The following XRCC4 variants were observed in gnomAD, a reference collection of about 807,000 sequenced individuals.
XRCC4 encodes the protein DNA repair protein XRCC4.
XRCC4 carries 28 observed loss-of-function variants against 39.1 expected under a neutral mutation model. The ratio of observed to expected loss-of-function variants is 0.72; its 90% CI spans 0.53 to 0.98. The LOEUF (loss-of-function observed/expected upper bound fraction) is 0.98, where lower values mean the gene tolerates loss of function less well. Among genes scored for constraint, XRCC4 ranks in the 50% least tolerant of loss-of-function variants. The pLI is 0.00. For missense variants in XRCC4, 350 were observed against 376.4 expected (o/e 0.93, Z 0.58); for synonymous variants, 123 against 126.4 (o/e 0.97, Z 0.18).
intron 3 of XRCC4, among the ~76,000 whole-genome samples, chr5:83,116,579 G>GAGTGA (rs1465920290): frequency 6.9e-6 from 1 of 145,598 alleles, no homozygotes; most frequent in East Asian, 2.1e-4. Flanking sequence ...TGTTTTGTCT[G>GAGTGA]AGTGAAAGAA....
chr5:83,293,389 C>T (rs1383477636), intron 7 of XRCC4, among the ~76,000 whole-genome samples: 5 of 151,982 alleles, frequency 3.3e-5, no homozygotes, highest in Non-Finnish European at 4.4e-5. Flanking sequence ...GTCATCTCAT[C>T]CATTCATCCC....
At chr5:83,353,009 T>A (rs4987240) in intron 7 of XRCC4, 122 bp from the exon 8 acceptor site, 1 of 741,952 alleles carries the variant, frequency 1.3e-6, no homozygotes, top group Non-Finnish European at 2.1e-6. Flanking sequence ...GAGAAATAAA[T>A]CTCTAAACCA....
chr5:83,204,932 C>A lies in XRCC4; in HGVS notation c.745+11C>A. The A allele has an allele frequency of 1.3e-6, 2 of 1,545,390 alleles. No individual in the cohort carries two copies. Among genetic ancestry groups the A allele is most frequent in the South Asian group, 1.1e-5 (1 of 88,740 alleles). On this transcript the variant is annotated intron_variant, in intron 6 of 7. Coordinates refer to ENST00000396027, the MANE Select transcript of XRCC4 (RefSeq NM_003401.5). ...CTGGGTTGGCTTCAGGTAAGAGATA[C>A]ATACATTTATCTCCTCTGTTGAATA... is the stretch of plus-strand genomic sequence containing the variant.
the XRCC4 span, among the ~76,000 whole-genome samples, chr5:83,369,237 T>C: frequency 6.6e-6 from 1 of 152,142 alleles, no homozygotes; most frequent in Non-Finnish European, 1.5e-5. Flanking sequence ...CATTTTACTT[T>C]CTTTGTTTTC....
At chr5:83,272,000 TG>T (rs1754159798) in intron 7 of XRCC4, among the ~76,000 whole-genome samples, 1 of 152,198 alleles carries the variant, frequency 6.6e-6, no homozygotes, top group Admixed American at 6.5e-5. Flanking sequence ...CTGTTGATCC[TG>T]GGGTGCTGGA....
Position 83,192,319 on chromosome 5 carries a change from A to T in XRCC4, c.316-3451A>T, listed in dbSNP as rs181342578. ...ATACGTATATATAATATATATATAT[A>T]TTTTTTTGAGACGGAGTCTTGCTCT... On this transcript the variant is annotated intron_variant, in intron 3 of 7. Coordinates refer to ENST00000396027, the MANE Select transcript of XRCC4 (RefSeq NM_003401.5). 8.3e-3 allele frequency among the ~76,000 whole-genome samples: 1,198 copies of T among 143,490 alleles called. 21 individuals carry two copies. Among genetic ancestry groups the T allele is most frequent in the South Asian group, 0.025 (116 of 4,610 alleles). The allele number at this position is 143,490 out of a possible 152,430, so 94.1% of individuals were successfully genotyped here. A position where few individuals can be genotyped will look rare whatever the true frequency, so the allele number is the denominator to read the frequency against.
intron 6 of XRCC4, among the ~76,000 whole-genome samples, chr5:83,207,510 C>T (rs556372620): frequency 2.6e-5 from 4 of 151,974 alleles, no homozygotes; most frequent in South Asian, 2.1e-4. Context: ...AGTAAGTTTT[C>T]GATGTCAAGA....
intron 3 of XRCC4, among the ~76,000 whole-genome samples, chr5:83,192,631 T>C (rs545174668): frequency 1.2e-4 from 19 of 152,180 alleles, no homozygotes; most frequent in African/African-American, 4.1e-4. Flanking sequence ...ATTTTAGAAT[T>C]TAATTGCTCT....
intron 7 of XRCC4, among the ~76,000 whole-genome samples, chr5:83,265,899 C>T (rs1753937365): frequency 6.6e-6 from 1 of 151,968 alleles, no homozygotes; most frequent in South Asian, 2.1e-4. Context: ...TACTACAATT[C>T]CCCTAGGCTA....
At chr5:83,128,930 G>A (rs998758342) in intron 3 of XRCC4, among the ~76,000 whole-genome samples, 1 of 152,110 alleles carries the variant, frequency 6.6e-6, no homozygotes, top group Non-Finnish European at 1.5e-5. Context: ...TAGGTTGCCT[G>A]CTCACTCTGA....
At chr5:83,305,531 C>T (rs890283969) in intron 7 of XRCC4, among the ~76,000 whole-genome samples, 2 of 151,970 alleles carry the variant, frequency 1.3e-5, no homozygotes, top group African/African-American at 4.8e-5. Flanking sequence ...TTATATAGAA[C>T]ACTTCAAAGA....
chr5:83,310,379 C>A lies in XRCC4; in HGVS notation c.894-42752C>A, dbSNP rs28360291. ...GTGAGAGGTTTCTCTAGGAGAACAG[C>A]AAGAGTCAGAGCTAAATAAGGAGGA... On this transcript the variant is annotated intron_variant, in intron 7 of 7. Transcript: ENST00000396027. 6.2e-3 allele frequency among the ~76,000 whole-genome samples: 945 copies of A among 152,134 alleles called. 8 individuals carry two copies. Among genetic ancestry groups the A allele is most frequent in the African/African-American group, 0.021 (857 of 41,498 alleles).
In XRCC4 at chr5:83,289,174, A is replaced by G. The variant is rs1408409357; in HGVS notation, c.893+30497A>G. Among the ~76,000 whole-genome samples, 3 of 151,836 alleles carry G rather than the reference A, an allele frequency of 2.0e-5. 1 individual carries two copies. The highest frequency in any genetic ancestry group is 1.5e-5 in the Non-Finnish European group (1 of 67,852). ...TTACATTACCCATCTGTTCTTGCAT[A>G]TAGTCTACTTTTTCCATTAGTATCT... On this transcript the variant is annotated intron_variant, in intron 7 of 7. Transcript: ENST00000396027.
intron 6 of XRCC4, among the ~76,000 whole-genome samples, chr5:83,236,336 CA>C (rs1752687067): frequency 6.6e-6 from 1 of 151,916 alleles, no homozygotes; most frequent in Non-Finnish European, 1.5e-5. Context: ...TTGTAGTAAC[CA>C]AAAGAGCATG....
chr5:83,171,070 A>G (rs1163464138), intron 3 of XRCC4, among the ~76,000 whole-genome samples: 1 of 151,982 alleles, frequency 6.6e-6, no homozygotes, highest in Non-Finnish European at 1.5e-5. Flanking sequence ...ATTCACTCTA[A>G]TAGACCTGCA....
At chr5:83,265,212 A>G (rs1753912717) in intron 7 of XRCC4, among the ~76,000 whole-genome samples, 1 of 152,122 alleles carries the variant, frequency 6.6e-6, no homozygotes, top group Non-Finnish European at 1.5e-5. Context: ...CAAATATCCA[A>G]TTTTTGTAGA....
chr5:83,126,121 T>TA (rs1428817380), intron 3 of XRCC4, among the ~76,000 whole-genome samples: 1 of 151,762 alleles, frequency 6.6e-6, no homozygotes, highest in Non-Finnish European at 1.5e-5. Context: ...TCTATTTATT[T>TA]AAAAAAATTG....
At chr5:83,222,823 C>T (rs1752140138) in intron 6 of XRCC4, among the ~76,000 whole-genome samples, 1 of 152,086 alleles carries the variant, frequency 6.6e-6, no homozygotes, top group African/African-American at 2.4e-5. Flanking sequence ...TCACGGCTCA[C>T]CACAGCCTCG....
intron 3 of XRCC4, among the ~76,000 whole-genome samples, chr5:83,120,781 A>C (rs1372994194): frequency 6.6e-6 from 1 of 152,212 alleles, no homozygotes; most frequent in East Asian, 1.9e-4. Flanking sequence ...ATTTTTAACA[A>C]CTTTATTGTG....
Sources: gnomAD v4.1 joint callset for allele counts (sites outside exome capture counted in the v4.1 genomes callset) on GRCh38, gnomAD v4.1.1 for gene constraint, MANE v1.5 for transcripts, NCBI Gene and HGNC (gene_info 2026-07-23, HGNC 2026-07-21) for gene names.